The following JMY variants were observed in gnomAD, a reference collection of about 807,000 sequenced individuals.
JMY encodes junction-mediating and -regulatory protein.
Under a neutral mutation model 103.3 loss-of-function variants are expected in JMY, and 46 were observed. The ratio of observed to expected loss-of-function variants is 0.45; its 90% CI spans 0.35 to 0.57. The LOEUF (loss-of-function observed/expected upper bound fraction) is 0.57. JMY is among the 20% of genes least tolerant of loss of function. JMY has a pLI of 0.00. For synonymous variants in JMY, 526 were observed against 489.3 expected, an observed-to-expected ratio of 1.07 and a Z score of -0.99; for missense variants, 1,238 against 1,255.2, an observed-to-expected ratio of 0.99 and a Z score of 0.21.
chr5:79,262,854 C>G (rs1745466741), intron 1 of JMY, among the ~76,000 whole-genome samples: 1 of 152,152 alleles, frequency 6.6e-6, no homozygotes, highest in African/African-American at 2.4e-5. Context: ...GATAGAGTAA[C>G]TGATATTCTG....
intron 1 of JMY, among the ~76,000 whole-genome samples, chr5:79,258,308 T>A (rs1745311441): frequency 1.1e-5 from 1 of 90,968 alleles, no homozygotes; most frequent in African/African-American, 3.0e-5. Context: ...TTTTTTTGTT[T>A]TTGTTGTTTT....
chr5:79,269,693 A>G (rs1745684920), intron 1 of JMY, among the ~76,000 whole-genome samples: 1 of 151,836 alleles, frequency 6.6e-6, no homozygotes, highest in African/African-American at 2.4e-5. Context: ...TAGAAATAAC[A>G]TTTGGAATTT....
intron 7 of JMY, among the ~76,000 whole-genome samples, chr5:79,308,127 A>C (rs758327173): frequency 1.3e-4 from 20 of 152,104 alleles, no homozygotes; most frequent in Non-Finnish European, 2.8e-4. Flanking sequence ...CCTTTATCAG[A>C]TATGTCCCTT....
intron 1 of JMY, among the ~76,000 whole-genome samples, chr5:79,247,733 A>G (rs561138197): frequency 7.2e-4 from 110 of 151,736 alleles, no homozygotes; most frequent in African/African-American, 2.6e-3. Flanking sequence ...GCTCACTGCA[A>G]CTTCCACCTC....
intron 1 of JMY, among the ~76,000 whole-genome samples, chr5:79,240,670 T>C (rs1454853218): frequency 6.6e-6 from 1 of 152,188 alleles, no homozygotes; most frequent in Non-Finnish European, 1.5e-5. Context: ...AATGCCTATC[T>C]TGACTTCTGC....
rs1340826211 is a variant in JMY, at chr5:79,236,898, G to T, written c.248G>T (p.Ser83Ile). Residue 83 changes from serine to isoleucine, a missense_variant, in exon 1 of 11, where the codon AGC becomes ATC. Coordinates refer to ENST00000396137, the MANE Select transcript of JMY (RefSeq NM_152405.5). ...TCCGACGGGAGCCGCGGGCCCGGCA[G>T]CCCGGCGGGCAGGGGTCGGCCCGAG... ...AASDGSRGPGSPAGRGRPEAT... is the reference protein window; with the variant it reads ...AASDGSRGPGIPAGRGRPEAT... 6 of 1,359,554 alleles carry T rather than the reference G, an allele frequency of 4.4e-6. No individual in the cohort carries two copies. The highest frequency in any genetic ancestry group is 5.7e-6 in the Non-Finnish European group (6 of 1,060,212). 84.2% of individuals were successfully genotyped at this position (1,359,554 alleles called of 1,614,324 possible). A position where few individuals can be genotyped will look rare whatever the true frequency, so the allele number is the denominator to read the frequency against.
chr5:79,258,889 G>C (rs1277848339), intron 1 of JMY, among the ~76,000 whole-genome samples: 1 of 152,164 alleles, frequency 6.6e-6, no homozygotes, highest in African/African-American at 2.4e-5. Context: ...TTGTGTTACA[G>C]CTCTTTTAGC....
rs1350766223 is a variant in JMY, at chr5:79,291,038, G to GT, written c.1358-89dup. The GT allele has an allele frequency of 3.5e-6, 3 of 865,318 alleles. No homozygotes were observed. The Admixed American group carries it at 1.0e-4, about 29-fold the overall frequency. 53.6% of individuals were successfully genotyped at this position (865,318 alleles called of 1,614,324 possible). A position where few individuals can be genotyped will look rare whatever the true frequency, so the allele number is the denominator to read the frequency against. ...GCAGTTTATCATGACAGCAGGATTT[G>GT]TTTCTCTTTGTGTGGTCAGTGAAAT... On this transcript the variant is annotated intron_variant, in intron 3 of 10. Coordinates refer to ENST00000396137, the MANE Select transcript of JMY (RefSeq NM_152405.5).
chr5:79,270,218 T>C (rs1479205613), intron 1 of JMY, among the ~76,000 whole-genome samples: 1 of 150,886 alleles, frequency 6.6e-6, no homozygotes, highest in Non-Finnish European at 1.5e-5. Context: ...CATCCTTGCT[T>C]TTTGCCTCAT....
chr5:79,257,151 C>T (rs1297273666), intron 1 of JMY, among the ~76,000 whole-genome samples: 5 of 151,652 alleles, frequency 3.3e-5, no homozygotes, highest in African/African-American at 1.2e-4. Flanking sequence ...CGGCTCACTG[C>T]AATCTTTACC....
intron 1 of JMY, among the ~76,000 whole-genome samples, chr5:79,243,252 T>C (rs1580324546): frequency 6.6e-6 from 1 of 152,114 alleles, no homozygotes; most frequent in East Asian, 1.9e-4. Flanking sequence ...CCTTAGAAAA[T>C]AACTTTTCTA....
At position 79,314,428 on chromosome 5, in the gene JMY, C is replaced by T. The variant is rs1466384511; in HGVS notation, c.2236C>T (p.Pro746Ser). 9 of 1,614,028 alleles carry T rather than the reference C, an allele frequency of 5.6e-6. No individual in the cohort carries two copies. Among genetic ancestry groups the T allele is most frequent in the Non-Finnish European group, 7.6e-6 (9 of 1,179,990 alleles). Reference sequence around the variant, plus strand: ...GGGAGAAGGAAGAGTCAAGCGTGGGCCATCACAGACAACAGAACCCCAGAG... The same window carrying T: ...GGGAGAAGGAAGAGTCAAGCGTGGGTCATCACAGACAACAGAACCCCAGAG... ...EVGEGRVKRG[P>S]SQTTEPQSLV... Residue 746 changes from proline (P) to serine (S), a missense_variant, in exon 9 of 11, where the codon CCA (proline) becomes TCA (serine). Pro to Ser is a moderately conservative substitution (Grantham distance 74). Transcript: ENST00000396137.
At chr5:79,298,989 C>T (rs1482566056) in intron 4 of JMY, among the ~76,000 whole-genome samples, 1 of 79,988 alleles carries the variant, frequency 1.3e-5, no homozygotes, top group African/African-American at 1.2e-4. Context: ...TGTAGGTTGT[C>T]CCTGTACAGC....
intron 8 of JMY, among the ~76,000 whole-genome samples, chr5:79,313,890 A>G (rs7705607): frequency 0.67 from 102,208 of 152,086 alleles, 35,695 homozygotes; most frequent in African/African-American, 0.89. Flanking sequence ...ATGGAATCTC[A>G]CTCTGTCACT....
chr5:79,243,069 A>G (rs1275235071), intron 1 of JMY, among the ~76,000 whole-genome samples: 1 of 152,164 alleles, frequency 6.6e-6, no homozygotes, highest in Non-Finnish European at 1.5e-5. Flanking sequence ...TTTATGTTAG[A>G]GAAGAGTGCC....
chr5:79,252,324 G>A (rs1355655724), intron 1 of JMY, among the ~76,000 whole-genome samples: 1 of 146,856 alleles, frequency 6.8e-6, no homozygotes, highest in Admixed American at 6.8e-5. Flanking sequence ...CAGAGAAAAT[G>A]CTTGATAGTC....
At position 79,321,979 on chromosome 5, in the gene JMY, TG is replaced by T. The variant is rs1472752108; in HGVS notation, c.*378del. ...GATCTACTGTGAGCTGTATTGGGACTGCTTTGAGAACCATCTTTCAATGCAC... is the reference window on the plus strand; with the variant it reads ...GATCTACTGTGAGCTGTATTGGGACTCTTTGAGAACCATCTTTCAATGCAC... On this transcript the variant is annotated 3_prime_UTR_variant, in exon 11 of 11. Transcript: ENST00000396137. 1.3e-5 allele frequency: 2 copies of T among 152,244 alleles called. No homozygotes were observed. The highest frequency in any genetic ancestry group is 4.8e-5 in the African/African-American group (2 of 41,464). The allele number at this position is 152,244 out of a possible 1,614,324, so 9.4% of individuals were successfully genotyped here.
intron 4 of JMY, among the ~76,000 whole-genome samples, chr5:79,292,810 G>C (rs961053726): frequency 6.6e-6 from 1 of 152,064 alleles, no homozygotes; most frequent in Non-Finnish European, 1.5e-5. Flanking sequence ...GGAGTGGGGG[G>C]GGTCCTATTC....
intron 1 of JMY, among the ~76,000 whole-genome samples, chr5:79,264,748 T>C (rs1745533763): frequency 6.6e-6 from 1 of 152,160 alleles, no homozygotes; most frequent in Admixed American, 6.5e-5. Context: ...GATTCAGTAA[T>C]AACAGTGTTT....
Sources: allele counts gnomAD v4.1 joint callset (sites outside exome capture counted in the v4.1 genomes callset), GRCh38; gene constraint gnomAD v4.1.1; transcripts MANE v1.5; gene names NCBI Gene and HGNC (gene_info 2026-07-23, HGNC 2026-07-21).